ARMH3: variants seen among roughly 807,000 people sequenced by gnomAD.
The protein encoded by ARMH3 is armadillo like helical domain containing 3, also known as armadillo-like helical domain-containing protein 3.
A neutral mutation model predicts 99.1 loss-of-function variants in ARMH3; 60 were observed. The observed-to-expected ratio is 0.61, with a 90% CI of 0.49 to 0.75. The LOEUF (loss-of-function observed/expected upper bound fraction) is 0.75. Among genes scored for constraint, ARMH3 ranks in the 30% least tolerant of loss-of-function variants. The probability of loss-of-function intolerance (pLI) is 0.00; values close to 1 mark genes in which losing one functional copy is unlikely to be tolerated. For missense variants in ARMH3, 679 were observed against 843.1 expected, an observed-to-expected ratio of 0.81 and a Z score of 2.41; for synonymous variants, 285 against 292.8, an observed-to-expected ratio of 0.97 and a Z score of 0.27.
intron 24 of ARMH3, among the ~76,000 whole-genome samples, chr10:101,875,434 T>TA (rs1265533145): frequency 6.6e-6 from 1 of 152,210 alleles, no homozygotes; most frequent in Non-Finnish European, 1.5e-5. Context: ...ACAAATCTCT[T>TA]AGACTACAGA....
At chr10:101,996,073 G>A (rs1222050083) in intron 15 of ARMH3, among the ~76,000 whole-genome samples, 1 of 152,162 alleles carries the variant, frequency 6.6e-6, no homozygotes, top group Non-Finnish European at 1.5e-5. Context: ...AGGGCTCTAA[G>A]CCCACACACA....
intron 23 of ARMH3, among the ~76,000 whole-genome samples, chr10:101,900,074 T>C (rs1404042890): frequency 6.6e-6 from 1 of 152,184 alleles, no homozygotes; most frequent in Admixed American, 6.5e-5. Flanking sequence ...TATTAAATCT[T>C]TCAATAAATG....
intron 15 of ARMH3, among the ~76,000 whole-genome samples, chr10:101,998,611 C>T (rs1029107217): frequency 1.3e-5 from 2 of 152,306 alleles, no homozygotes; most frequent in African/African-American, 4.8e-5. Context: ...TCTGCTCTGG[C>T]AATTCTTCAT....
intron 9 of ARMH3, 26 bp from the exon 10 acceptor site, chr10:102,012,902 G>A (rs150944044): frequency 6.3e-7 from 1 of 1,584,464 alleles, no homozygotes; most frequent in East Asian, 2.3e-5. Context: ...TAGCACAGGT[G>A]AAATAAGACA....
intron 24 of ARMH3, among the ~76,000 whole-genome samples, chr10:101,861,338 G>A (rs946788836): frequency 2.6e-5 from 4 of 152,062 alleles, no homozygotes; most frequent in African/African-American, 7.2e-5. Context: ...AGAATCCTAC[G>A]TCCAGCAAAA....
intron 24 of ARMH3, among the ~76,000 whole-genome samples, chr10:101,861,503 C>T (rs1004164200): frequency 9.9e-5 from 15 of 152,088 alleles, no homozygotes; most frequent in African/African-American, 2.4e-4. Flanking sequence ...GAGGCTGAGG[C>T]GGACGGATCA....
At chr10:101,916,092 C>T (rs1843076408) in intron 23 of ARMH3, among the ~76,000 whole-genome samples, 1 of 152,174 alleles carries the variant, frequency 6.6e-6, no homozygotes, top group African/African-American at 2.4e-5. Context: ...TGTGAGCCAG[C>T]ACGCCTGGCC....
chr10:101,987,208 T>C (rs1441497496), intron 19 of ARMH3, among the ~76,000 whole-genome samples: 2 of 152,104 alleles, frequency 1.3e-5, no homozygotes, highest in Admixed American at 1.3e-4. Flanking sequence ...CCTCCCTCCA[T>C]GCACTCTACA....
intron 23 of ARMH3, among the ~76,000 whole-genome samples, chr10:101,901,957 C>A (rs1206268174): frequency 6.6e-6 from 1 of 152,158 alleles, no homozygotes; most frequent in Non-Finnish European, 1.5e-5. Context: ...TAGGGAACAT[C>A]GCTTTTCTAA....
At chr10:102,050,858 G>GAAA (rs768694267) in intron 1 of ARMH3, among the ~76,000 whole-genome samples, 2 of 64,808 alleles carry the variant, frequency 3.1e-5, no homozygotes, top group Non-Finnish European at 6.1e-5. Context: ...CTCCATCTCA[G>GAAA]AAAAAAAAAA....
intron 17 of ARMH3, among the ~76,000 whole-genome samples, chr10:101,993,140 A>C (rs1157608959): frequency 6.6e-6 from 1 of 151,912 alleles, no homozygotes; most frequent in African/African-American, 2.4e-5. Flanking sequence ...GCGTGGTGGC[A>C]GCCACCTGTA....
intron 19 of ARMH3, among the ~76,000 whole-genome samples, chr10:101,980,202 T>C (rs912355151): frequency 6.6e-6 from 1 of 152,100 alleles, no homozygotes; most frequent in Non-Finnish European, 1.5e-5. Context: ...TTAAGTCTTA[T>C]TATACTAAGC....
In ARMH3 at chr10:102,011,880, T is replaced by C; in HGVS notation, c.771-97A>G. ...AATCAGGGCAGAGCACTCTTAAAAT[T>C]CTCTGACTCCAGAAAACTAAAGCAT... On this transcript the variant is annotated intron_variant, in intron 10 of 25. Transcript: ENST00000370033. The C allele has an allele frequency of 2.2e-6, 2 of 920,850 alleles. 1 individual carries two copies. 57.0% of individuals were successfully genotyped at this position (920,850 alleles called of 1,614,324 possible).
At chr10:102,009,714 A>C (rs1168429642) in intron 12 of ARMH3, among the ~76,000 whole-genome samples, 4 of 152,172 alleles carry the variant, frequency 2.6e-5, no homozygotes, top group African/African-American at 9.7e-5. Flanking sequence ...TAAGTCCTCA[A>C]CTGGCTCAGA....
At chr10:102,025,340 A>C (rs888334072) in intron 5 of ARMH3, 92 bp from the exon 6 acceptor site, 1 of 932,476 alleles carries the variant, frequency 1.1e-6, no homozygotes, top group Admixed American at 2.0e-5. Context: ...TAATGTGAAT[A>C]ACACACAATA....
chr10:101,894,376 A>G (rs1046899698), intron 23 of ARMH3, among the ~76,000 whole-genome samples: 7 of 152,230 alleles, frequency 4.6e-5, no homozygotes, highest in Admixed American at 3.3e-4. Context: ...ATGTCCTGAC[A>G]TGGCACAGAA....
Position 102,025,259 on chromosome 10 carries a change from G to C in ARMH3, c.415-11C>G, listed in dbSNP as rs757859475. ...ACTCTCCATCAAGTTCTGAGAAAGAGAACCAATAAGCATTAAACCATACCA... is the reference window on the plus strand; with the variant it reads ...ACTCTCCATCAAGTTCTGAGAAAGACAACCAATAAGCATTAAACCATACCA... On this transcript the variant is annotated splice_polypyrimidine_tract_variant and intron_variant, in intron 5 of 25. Coordinates refer to ENST00000370033, the MANE Select transcript of ARMH3 (RefSeq NM_024541.3). The C allele has an allele frequency of 6.2e-7, 1 of 1,608,384 alleles. No homozygotes were observed. The highest frequency in any genetic ancestry group is 1.7e-4 in the Middle Eastern group (1 of 6,052).
chr10:102,048,049 T>C (rs2067601235), intron 1 of ARMH3, among the ~76,000 whole-genome samples: 1 of 152,186 alleles, frequency 6.6e-6, no homozygotes, highest in Admixed American at 6.6e-5. Context: ...CAAGTAATTC[T>C]GATGACCATT....
At chr10:101,990,741 C>A in intron 18 of ARMH3, 130 bp from the exon 19 acceptor site, 1 of 686,392 alleles carries the variant, frequency 1.5e-6, no homozygotes, top group Non-Finnish European at 2.6e-6. Flanking sequence ...CATCTTTATT[C>A]ATATACACTT....
Sources: gnomAD v4.1 joint callset for allele counts (sites outside exome capture counted in the v4.1 genomes callset) on GRCh38, gnomAD v4.1.1 for gene constraint, MANE v1.5 for transcripts, NCBI Gene and HGNC (gene_info 2026-07-23, HGNC 2026-07-21) for gene names.